EIF2AK3: variants seen among roughly 807,000 people sequenced by gnomAD.
EIF2AK3 encodes the protein eukaryotic translation initiation factor 2-alpha kinase 3.
A neutral mutation model predicts 113.5 loss-of-function variants in EIF2AK3; 50 were observed. The observed-to-expected ratio is 0.44, with a 90% CI of 0.35 to 0.56. The LOEUF (loss-of-function observed/expected upper bound fraction) is 0.56. Among genes scored for constraint, EIF2AK3 ranks in the 20% least tolerant of loss-of-function variants. The pLI is 0.00. For missense variants in EIF2AK3, 1,185 were observed against 1,378.0 expected, an observed-to-expected ratio of 0.86 and a Z score of 2.22; for synonymous variants, 448 against 495.4, an observed-to-expected ratio of 0.90 and a Z score of 1.27.
At chr2:88,619,858 A>C (rs2103979171) in intron 1 of EIF2AK3, among the ~76,000 whole-genome samples, 1 of 151,894 alleles carries the variant, frequency 6.6e-6, no homozygotes, top group African/African-American at 2.4e-5. Context: ...GGAGAGGCTG[A>C]GACAGGAGAA....
At chr2:88,627,812 A>T (rs1289356678), upstream of EIF2AK3, 3 of 153,014 alleles carry the variant, frequency 2.0e-5, no homozygotes, top group African/African-American at 7.2e-5. Context: ...GTGGAAGTGG[A>T]TGTCCCTCAA....
chr2:88,581,034 C>T (rs1674586809), intron 10 of EIF2AK3, among the ~76,000 whole-genome samples: 1 of 152,038 alleles, frequency 6.6e-6, no homozygotes, highest in African/African-American at 2.4e-5. Flanking sequence ...AAAAGAGTAA[C>T]ATCTTATATG....
chr2:88,622,800 CA>C (rs1246177333), intron 1 of EIF2AK3, among the ~76,000 whole-genome samples: 1 of 151,926 alleles, frequency 6.6e-6, no homozygotes, highest in Non-Finnish European at 1.5e-5. Context: ...AAAAAACAAA[CA>C]AAAAAATGAT....
chr2:88,580,451 A>G (rs2104420802), intron 10 of EIF2AK3, among the ~76,000 whole-genome samples: 1 of 152,256 alleles, frequency 6.6e-6, no homozygotes, highest in African/African-American at 2.4e-5. Flanking sequence ...ACATTCCCAT[A>G]ACACTCTGCA....
chr2:88,603,849 C>A (rs1675207333), intron 2 of EIF2AK3, among the ~76,000 whole-genome samples: 1 of 152,178 alleles, frequency 6.6e-6, no homozygotes, highest in Non-Finnish European at 1.5e-5. Flanking sequence ...CAAATGCCTT[C>A]TTTAGCATCT....
chr2:88,604,996 C>T (rs529106535), intron 2 of EIF2AK3, among the ~76,000 whole-genome samples: 1 of 152,024 alleles, frequency 6.6e-6, no homozygotes, highest in Admixed American at 6.6e-5. Context: ...CTTTTTGATC[C>T]CCGATTTTAT....
intron 1 of EIF2AK3, among the ~76,000 whole-genome samples, chr2:88,622,674 GT>G (rs1427218249): frequency 6.6e-6 from 1 of 152,190 alleles, no homozygotes; most frequent in African/African-American, 2.4e-5. Flanking sequence ...AAAGGTGACT[GT>G]TAGTTAACTT....
At chr2:88,593,141 CAA>C in intron 4 of EIF2AK3, 129 bp downstream of exon 4, 9 of 1,099,000 alleles carry the variant, frequency 8.2e-6, no homozygotes, top group South Asian at 4.7e-5. Context: ...GACTCCGTAT[CAA>C]AAAAATATAT....
At chr2:88,607,265 T>C (rs576454232) in intron 2 of EIF2AK3, among the ~76,000 whole-genome samples, 2 of 152,266 alleles carry the variant, frequency 1.3e-5, no homozygotes, top group South Asian at 2.1e-4. Context: ...CACAGACAAA[T>C]TTCCTTAGTG....
intron 5 of EIF2AK3, 106 bp downstream of exon 5, chr2:88,590,712 A>C: frequency 1.3e-6 from 2 of 1,567,338 alleles, no homozygotes; most frequent in Non-Finnish European, 1.8e-6. Flanking sequence ...CACAGAGAAC[A>C]AGCTGAGAGC....
Position 88,627,007 on chromosome 2 carries a change from G to C in EIF2AK3, c.268C>G (p.Pro90Ala), listed in dbSNP as rs1675881200. 3 of 1,608,436 alleles carry C rather than the reference G, an allele frequency of 1.9e-6. No homozygotes were observed. The South Asian group carries it at 3.3e-5, about 18-fold the overall frequency. ...AAAGEQEPRG[P>A]EPDDETELRP... ...AACTCTGTCTCATCGTCTGGTTCCG[G>C]ACCCCGAGGCTCCTGCTCTCCCGCG... is the stretch of plus-strand genomic sequence containing the variant. The change falls in exon 1 of 17, where the codon CCG (proline) becomes GCG (alanine). Residue 90 changes from proline to alanine, a missense_variant. Transcript: ENST00000303236.
chr2:88,569,320 CAGCA>C (rs1403513100), intron 14 of EIF2AK3, among the ~76,000 whole-genome samples: 1 of 149,242 alleles, frequency 6.7e-6, no homozygotes, highest in Admixed American at 6.7e-5. Flanking sequence ...CTGGGTAACA[CAGCA>C]AGACCCCATC....
chr2:88,592,407 A>C (rs938035256), intron 4 of EIF2AK3, among the ~76,000 whole-genome samples: 2 of 152,204 alleles, frequency 1.3e-5, no homozygotes, highest in Non-Finnish European at 2.9e-5. Context: ...TCAAAGAAAC[A>C]CATCAATTTT....
chr2:88,587,066 G>A (rs1343970722), intron 8 of EIF2AK3, among the ~76,000 whole-genome samples: 2 of 151,174 alleles, frequency 1.3e-5, no homozygotes, highest in African/African-American at 2.4e-5. Context: ...TTAGCTGGGC[G>A]TGGTGGCGTG....
intron 14 of EIF2AK3, among the ~76,000 whole-genome samples, chr2:88,570,166 A>C (rs779778580): frequency 6.6e-5 from 10 of 152,258 alleles, no homozygotes; most frequent in Non-Finnish European, 1.3e-4. Flanking sequence ...TTAACTTCTA[A>C]TATAACAAAT....
At chr2:88,618,265 TC>T (rs1675635666) in intron 1 of EIF2AK3, among the ~76,000 whole-genome samples, 1 of 152,106 alleles carries the variant, frequency 6.6e-6, no homozygotes, top group Non-Finnish European at 1.5e-5. Context: ...GTTATTTATC[TC>T]CCCAAGACCA....
At position 88,590,897 on chromosome 2, in the gene EIF2AK3, A is replaced by G. The variant is rs780609524; in HGVS notation, c.923T>C (p.Ile308Thr). ...GTCAGCAACCGAAACCTTTATCACT[A>G]TGTCCATTATGGCAGCTTCCTGTTC... is the stretch of plus-strand genomic sequence containing the variant. ...VEEQEAAIMD[I>T]VIKVSVADWK... is the part of the protein sequence containing the mutation. Residue 308 changes from isoleucine to threonine, a missense_variant, in exon 5 of 17, where the codon ATA (isoleucine) becomes ACA (threonine). Coordinates refer to ENST00000303236, the MANE Select transcript of EIF2AK3 (RefSeq NM_004836.7). 18 of 1,614,092 alleles carry G rather than the reference A, an allele frequency of 1.1e-5. No homozygotes were observed. In the South Asian group the frequency reaches 1.9e-4, roughly 17 times the overall value.
chr2:88,584,615 T>C (rs1310945776), intron 9 of EIF2AK3, among the ~76,000 whole-genome samples: 6 of 151,150 alleles, frequency 4.0e-5, no homozygotes, highest in Admixed American at 4.0e-4. Flanking sequence ...GTAAATACTC[T>C]AGTAAGAGGA....
intron 1 of EIF2AK3, among the ~76,000 whole-genome samples, chr2:88,616,457 G>A (rs186370333): frequency 9.5e-4 from 145 of 152,120 alleles, no homozygotes; most frequent in African/African-American, 3.3e-3. Context: ...ACAGAGTTGC[G>A]CTCTTGTCGC....
Sources: allele counts gnomAD v4.1 joint callset (sites outside exome capture counted in the v4.1 genomes callset), GRCh38; gene constraint gnomAD v4.1.1; transcripts MANE v1.5; gene names NCBI Gene and HGNC (gene_info 2026-07-23, HGNC 2026-07-21).